Variants in DDAH2 observed in about 807,000 individuals in gnomAD.
DDAH2 encodes the protein DDAH family member 2, ADMA-independent, also known as putative hydrolase DDAH2.
In DDAH2, 8 loss-of-function variants were observed where a neutral mutation model predicts 24.8. The observed-to-expected ratio is 0.32, with a 90% CI of 0.19 to 0.58. DDAH2 has a LOEUF of 0.58. DDAH2 is among the 20% of genes least tolerant of loss of function. The pLI, the probability that DDAH2 is intolerant of heterozygous loss-of-function variation, is 0.87. For synonymous variants in DDAH2, 151 were observed against 166.1 expected, an observed-to-expected ratio of 0.91 and a Z score of 0.70; for missense variants, 281 against 379.0, an observed-to-expected ratio of 0.74 and a Z score of 2.15.
chr6:31,727,381 G>C lies in DDAH2; in HGVS notation c.742-28C>G, dbSNP rs751068012. 1 of 1,600,442 alleles carries C rather than the reference G, an allele frequency of 6.2e-7. No individual in the cohort carries two copies. Among genetic ancestry groups the C allele is most frequent in the Non-Finnish European group, 8.5e-7 (1 of 1,169,750 alleles). ...GCACAGGGAAGACATGGAGTGGGGA[G>C]AGGGGAGTGAGACCTCAGGCTGAGC... On this transcript the variant is annotated intron_variant, in intron 5 of 5. Transcript: ENST00000375789. This position sits in a 1 kb window ranked among gnomAD's most constrained non-coding sequence, Gnocchi z 6.0.
upstream of DDAH2, chr6:31,729,685 G>C: frequency 6.1e-6 from 1 of 163,566 alleles, no homozygotes; most frequent in Non-Finnish European, 1.3e-5. This position sits in a 1 kb window ranked among gnomAD's most constrained non-coding sequence, Gnocchi z 6.7. Flanking sequence ...CTGAATACCC[G>C]AACGAGAAGG....
In DDAH2 at chr6:31,728,242, AC is replaced by A; in HGVS notation, c.521del (p.Gly174ValfsTer29). The A allele has an allele frequency of 6.2e-7, 1 of 1,612,494 alleles. No individual in the cohort carries two copies. Among genetic ancestry groups the A allele is most frequent in the Non-Finnish European group, 8.5e-7 (1 of 1,179,826 alleles). On this transcript the variant is annotated frameshift_variant, in exon 4 of 6. Transcript: ENST00000375789. LOFTEE classifies it high-confidence loss of function. The surrounding 1 kb of genome is among the most constrained non-coding windows in gnomAD (Gnocchi z 9.8). ...TGCGAGGTCCCCCCATGCCGCAGAGACCGCGCAGGTGGGAGGGACCCGAGAC... is the reference window on the plus strand; with the variant it reads ...TGCGAGGTCCCCCCATGCCGCAGAGACGCGCAGGTGGGAGGGACCCGAGAC... Reference protein sequence around the residue: ...VPVSGPSHLRGLCGMGGPRTV... With the variant: ...VPVSGPSHLRXLCGMGGPRTV...
Position 31,728,544 on chromosome 6 carries a change from G to C in DDAH2, c.398-20C>G. 6.2e-7 allele frequency: 1 copy of C among 1,612,836 alleles called. No individual in the cohort carries two copies. Among genetic ancestry groups the C allele is most frequent in the Non-Finnish European group, 8.5e-7 (1 of 1,179,926 alleles). On this transcript the variant is annotated intron_variant, in intron 2 of 5. Transcript: ENST00000375789. The surrounding 1 kb of genome is among the most constrained non-coding windows in gnomAD (Gnocchi z 9.8). Reference sequence around the variant, plus strand: ...CCCGGCCTGAGTCCGGGAGGCCGCGGAGGTTTGAGGGCGGGAGTGAGTTAG... The same window carrying C: ...CCCGGCCTGAGTCCGGGAGGCCGCGCAGGTTTGAGGGCGGGAGTGAGTTAG...
At position 31,727,822 on chromosome 6, in the gene DDAH2, C is replaced by G; in HGVS notation, c.592-130G>C. 9.5e-7 allele frequency: 1 copy of G among 1,050,822 alleles called. No individual in the cohort carries two copies. Among genetic ancestry groups the G allele is most frequent in the Non-Finnish European group, 1.4e-6 (1 of 728,512 alleles). 65.1% of individuals were successfully genotyped at this position (1,050,822 alleles called of 1,614,324 possible). On this transcript the variant is annotated intron_variant, in intron 4 of 5. Coordinates refer to ENST00000375789, the MANE Select transcript of DDAH2 (RefSeq NM_001303007.2). The surrounding 1 kb of genome is among the most constrained non-coding windows in gnomAD (Gnocchi z 6.0). ...AATGACAGCAAGCACATAGAGCTTA[C>G]GATATGTCAGACACTAAGTACTTTA... is the stretch of plus-strand genomic sequence containing the variant.
At position 31,729,260 on chromosome 6, in the gene DDAH2, A is replaced by G; in HGVS notation, c.-99T>C. 9.1e-7 allele frequency: 1 copy of G among 1,099,166 alleles called. No individual in the cohort carries two copies. Among genetic ancestry groups the G allele is most frequent in the South Asian group, 1.5e-5 (1 of 67,028 alleles). 68.1% of individuals were successfully genotyped at this position (1,099,166 alleles called of 1,614,324 possible). ...GAAACAGAAAAGGAGGAGACAGAGA[A>G]AAAGACATGCAGACAAGGGCGTTGG... On this transcript the variant is annotated 5_prime_UTR_variant, in exon 1 of 6. Coordinates refer to ENST00000375789, the MANE Select transcript of DDAH2 (RefSeq NM_001303007.2). This position sits in a 1 kb window ranked among gnomAD's most constrained non-coding sequence, Gnocchi z 6.7.
rs1562183717 is a variant in DDAH2 at position 31,727,682 on chromosome 6, A to G, written c.602T>C (p.Val201Ala). Reference sequence around the variant, plus strand: ...GGAGGCATATGGGTGATCTGTCAGCACTGCCATTGCCTAGAGGAAAGAGGA... The same window carrying G: ...GGAGGCATATGGGTGATCTGTCAGCGCTGCCATTGCCTAGAGGAAAGAGGA... ...AAQKAVRAMAVLTDHPYASLT... is the reference protein window; with the variant it reads ...AAQKAVRAMAALTDHPYASLT... The change falls in exon 5 of 6, where the codon GTG (valine) becomes GCG (alanine). Residue 201 changes from valine (V) to alanine (A), a missense_variant. Physicochemically the swap from Val to Ala is moderately conservative, Grantham distance 64. Transcript: ENST00000375789. This position sits in a 1 kb window ranked among gnomAD's most constrained non-coding sequence, Gnocchi z 6.0. The G allele has an allele frequency of 6.2e-7, 1 of 1,604,268 alleles. No individual in the cohort carries two copies. The highest frequency in any genetic ancestry group is 1.3e-5 in the African/African-American group (1 of 74,864).
Position 31,729,036 on chromosome 6 carries a change from T to G in DDAH2, c.126A>C (p.Gln42His), listed in dbSNP as rs1207135539. Residue 42 changes from glutamine (Q) to histidine (H), a missense_variant, in exon 1 of 6, where the codon CAA becomes CAC. Transcript: ENST00000375789. This position sits in a 1 kb window ranked among gnomAD's most constrained non-coding sequence, Gnocchi z 6.7. ...GLPALDLAKA[Q>H]REHGVLGGKL... Reference sequence around the variant, plus strand: ...TACCTCCCAGCACCCCGTGCTCCCTTTGAGCTTTGGCCAGATCCAGAGCGG... The same window carrying G: ...TACCTCCCAGCACCCCGTGCTCCCTGTGAGCTTTGGCCAGATCCAGAGCGG... 6.2e-7 allele frequency: 1 copy of G among 1,612,992 alleles called. No individual in the cohort carries two copies. Among genetic ancestry groups the G allele is most frequent in the South Asian group, 1.1e-5 (1 of 91,080 alleles).
chr6:31,729,615 C>T (rs942114499), upstream of DDAH2: 5 of 185,588 alleles, frequency 2.7e-5, no homozygotes, highest in African/African-American at 1.2e-4. The surrounding 1 kb of genome is among the most constrained non-coding windows in gnomAD (Gnocchi z 6.7). Context: ...GCCCGCGACC[C>T]GCAGGGGTTA....
Position 31,728,437 on chromosome 6 carries a change from G to A in DDAH2, c.471+14C>T. ...CTGCACCCCCTCCCTCCCTAGGCTG[G>A]TCCCGCTCCGCACCCGGAACGTGTC... On this transcript the variant is annotated intron_variant, in intron 3 of 5. Transcript: ENST00000375789. This position sits in a 1 kb window ranked among gnomAD's most constrained non-coding sequence, Gnocchi z 9.8. 1 of 1,612,434 alleles carries A rather than the reference G, an allele frequency of 6.2e-7. No individual in the cohort carries two copies. The highest frequency in any genetic ancestry group is 8.5e-7 in the Non-Finnish European group (1 of 1,179,930).
Position 31,727,763 on chromosome 6 carries a change from A to T in DDAH2, c.592-71T>A, listed in dbSNP as rs892319875. 14 of 1,490,414 alleles carry T rather than the reference A, an allele frequency of 9.4e-6. No homozygotes were observed. The African/African-American group carries it at 2.0e-4, about 21-fold the overall frequency. 92.3% of individuals were successfully genotyped at this position (1,490,414 alleles called of 1,614,324 possible). A position where few individuals can be genotyped will look rare whatever the true frequency, so the allele number is the denominator to read the frequency against. ...TGTGTCTGCCTGCTCAACCACCACT[A>T]AGGGCTGGGGACGGACTGACATTTG... On this transcript the variant is annotated intron_variant, in intron 4 of 5. Transcript: ENST00000375789. This position sits in a 1 kb window ranked among gnomAD's most constrained non-coding sequence, Gnocchi z 6.0.
In DDAH2 at chr6:31,727,048, C is replaced by T. The variant is rs1481904551; in HGVS notation, c.*189G>A. The T allele has an allele frequency of 1.5e-6, 1 of 661,774 alleles. No homozygotes were observed. Among genetic ancestry groups the T allele is most frequent in the Non-Finnish European group, 2.8e-6 (1 of 361,220 alleles). The allele number at this position is 661,774 out of a possible 1,614,324, so 41.0% of individuals were successfully genotyped here. A position where few individuals can be genotyped will look rare whatever the true frequency, so the allele number is the denominator to read the frequency against. ...CCAGTCACAGCCCAGTCTAAAAGGT[C>T]AATTCTATTTTATTGGTTCTGAGAG... On this transcript the variant is annotated 3_prime_UTR_variant, in exon 6 of 6. Transcript: ENST00000375789. The surrounding 1 kb of genome is among the most constrained non-coding windows in gnomAD (Gnocchi z 6.0).
rs375654675 is a variant in DDAH2, at chr6:31,728,860, C to T, written c.297+5G>A. On this transcript the variant is annotated splice_donor_5th_base_variant and intron_variant, in intron 1 of 5. Transcript: ENST00000375789. The surrounding 1 kb of genome is among the most constrained non-coding windows in gnomAD (Gnocchi z 9.8). Reference sequence around the variant, plus strand: ...CCCATACCACACCCGCGCCACGGCGCTCACCTCTGGCCTACGAGCGGGGCT... The same window carrying T: ...CCCATACCACACCCGCGCCACGGCGTTCACCTCTGGCCTACGAGCGGGGCT... 5 of 1,611,960 alleles carry T rather than the reference C, an allele frequency of 3.1e-6. No homozygotes were observed. The highest frequency in any genetic ancestry group is 4.2e-6 in the Non-Finnish European group (5 of 1,179,488).
Position 31,727,104 on chromosome 6 carries a change from A to G in DDAH2, c.*133T>C. On this transcript the variant is annotated 3_prime_UTR_variant, in exon 6 of 6. Transcript: ENST00000375789. This position sits in a 1 kb window ranked among gnomAD's most constrained non-coding sequence, Gnocchi z 6.0. ...ATTCACCCAGTGGATCCTTTTCCCT[A>G]CACTCTCCCCTCCCCCAATATTGAG... 1 of 714,136 alleles carries G rather than the reference A, an allele frequency of 1.4e-6. No individual in the cohort carries two copies. Among genetic ancestry groups the G allele is most frequent in the Non-Finnish European group, 2.5e-6 (1 of 397,818 alleles). 44.2% of individuals were successfully genotyped at this position (714,136 alleles called of 1,614,324 possible). A position where few individuals can be genotyped will look rare whatever the true frequency, so the allele number is the denominator to read the frequency against.
rs780005525 is a variant in DDAH2, at chr6:31,728,692, T to C, written c.351A>G (p.Ile117Met). The C allele has an allele frequency of 1.2e-6, 2 of 1,613,060 alleles. No homozygotes were observed. The highest frequency in any genetic ancestry group is 1.7e-6 in the Non-Finnish European group (2 of 1,180,018). ...CATCCAGCGTCGCGTTCTCGTCTCCTATTTCCACAATTCGGAGCCCCAGGT... is the reference window on the plus strand; with the variant it reads ...CATCCAGCGTCGCGTTCTCGTCTCCCATTTCCACAATTCGGAGCCCCAGGT... The part of the protein sequence containing the change: ...LQDLGLRIVE[I>M]GDENATLDGT... Residue 117 changes from isoleucine (I) to methionine (M), a missense_variant, in exon 2 of 6, where the codon ATA becomes ATG. Coordinates refer to ENST00000375789, the MANE Select transcript of DDAH2 (RefSeq NM_001303007.2). The surrounding 1 kb of genome is among the most constrained non-coding windows in gnomAD (Gnocchi z 9.8).
rs749971034 is a variant in DDAH2 at position 31,727,715 on chromosome 6, G to C, written c.592-23C>G. On this transcript the variant is annotated intron_variant, in intron 4 of 5. Transcript: ENST00000375789. The surrounding 1 kb of genome is among the most constrained non-coding windows in gnomAD (Gnocchi z 6.0). ...TGCCTAGAGGAAAGAGGAAGTGTTC[G>C]AGTCTCAGAACCTCTCCACAGCTGT... 6.4e-7 allele frequency: 1 copy of C among 1,571,012 alleles called. No individual in the cohort carries two copies. Among genetic ancestry groups the C allele is most frequent in the Non-Finnish European group, 8.6e-7 (1 of 1,157,640 alleles).
In DDAH2 at chr6:31,728,250, G is replaced by A; in HGVS notation, c.514C>T (p.Leu172=). The change falls in exon 4 of 6, where the codon CTG becomes TTG. Residue 172 remains leucine (L), a synonymous_variant. Coordinates refer to ENST00000375789, the MANE Select transcript of DDAH2 (RefSeq NM_001303007.2). This position sits in a 1 kb window ranked among gnomAD's most constrained non-coding sequence, Gnocchi z 9.8. ...CCCCCCATGCCGCAGAGACCGCGCA[G>A]GTGGGAGGGACCCGAGACTGGCACA... ...STVPVSGPSH[L]RGLCGMGGPR... is the part of the protein sequence containing the mutation. 6.2e-7 allele frequency: 1 copy of A among 1,612,544 alleles called. No homozygotes were observed. Among genetic ancestry groups the A allele is most frequent in the African/African-American group, 1.3e-5 (1 of 75,050 alleles).
At position 31,729,125 on chromosome 6, in the gene DDAH2, G is replaced by C. The variant is rs1807648826; in HGVS notation, c.37C>G (p.His13Asp). The part of the protein sequence containing the change: ...TPGEGLGRCS[H>D]ALIRGVPESL... ...TCTGGGACTCCCCGGATCAGGGCAT[G>C]GGAGCAGCGGCCCAGCCCCTCCCCC... is the stretch of plus-strand genomic sequence containing the variant. The change falls in exon 1 of 6, where the codon CAT (histidine) becomes GAT (aspartate). Residue 13 changes from histidine (H) to aspartate (D), a missense_variant. Physicochemically the swap from His to Asp is moderately conservative, Grantham distance 81. Transcript: ENST00000375789. This position sits in a 1 kb window ranked among gnomAD's most constrained non-coding sequence, Gnocchi z 6.7. 1 of 1,612,272 alleles carries C rather than the reference G, an allele frequency of 6.2e-7. No individual in the cohort carries two copies. The highest frequency in any genetic ancestry group is 8.5e-7 in the Non-Finnish European group (1 of 1,179,506).
chr6:31,728,135 A>G lies in DDAH2; in HGVS notation c.591+38T>C. The G allele has an allele frequency of 6.2e-7, 1 of 1,606,238 alleles. No individual in the cohort carries two copies. The highest frequency in any genetic ancestry group is 8.5e-7 in the Non-Finnish European group (1 of 1,178,888). On this transcript the variant is annotated intron_variant, in intron 4 of 5. Transcript: ENST00000375789. The surrounding 1 kb of genome is among the most constrained non-coding windows in gnomAD (Gnocchi z 9.8). ...CCAGCTCCCGGCCTCCCGGGCCCAG[A>G]ACTGCGCCCACTTTCGTTGGCCCCG...
Position 31,728,637 on chromosome 6 carries a change from C to G in DDAH2, c.397+9G>C, listed in dbSNP as rs188974620. On this transcript the variant is annotated intron_variant, in intron 2 of 5. Coordinates refer to ENST00000375789, the MANE Select transcript of DDAH2 (RefSeq NM_001303007.2). This position sits in a 1 kb window ranked among gnomAD's most constrained non-coding sequence, Gnocchi z 9.8. Reference sequence around the variant, plus strand: ...CTGTGCCAAGACCTATGCCTCCCCCCAGCCTCACCGGTGAAGAGAACGTCA... The same window carrying G: ...CTGTGCCAAGACCTATGCCTCCCCCGAGCCTCACCGGTGAAGAGAACGTCA... 1.2e-6 allele frequency: 2 copies of G among 1,612,824 alleles called. No individual in the cohort carries two copies. The highest frequency in any genetic ancestry group is 2.2e-5 in the East Asian group (1 of 44,878).
Sources: gnomAD v4.1 joint callset for allele counts on GRCh38, gnomAD v4.1.1 for gene constraint, Gnocchi (gnomAD v3.1) non-coding constraint, MANE v1.5 for transcripts, NCBI Gene and HGNC (gene_info 2026-07-23, HGNC 2026-07-21) for gene names.